The following LMNB1 variants were observed in gnomAD, a reference collection of about 807,000 sequenced individuals.
LMNB1 encodes the protein lamin-B1.
LMNB1 carries 23 observed loss-of-function variants against 67.1 expected under a neutral mutation model. The ratio of observed to expected loss-of-function variants is 0.34; its 90% confidence interval spans 0.25 to 0.49. LMNB1 has a LOEUF of 0.49. Ranked by LOEUF, LMNB1 falls within the 20% of genes least tolerant of loss-of-function variation. LMNB1 has a pLI of 0.99. For missense variants in LMNB1, 634 were observed against 746.5 expected, an observed-to-expected ratio of 0.85 and a Z score of 1.76; for synonymous variants, 281 against 282.9, an observed-to-expected ratio of 0.99 and a Z score of 0.07.
intron 1 of LMNB1, among the ~76,000 whole-genome samples, chr5:126,786,401 G>C (rs954301848): frequency 6.6e-6 from 1 of 152,114 alleles, no homozygotes; most frequent in East Asian, 1.9e-4. Flanking sequence ...GATTACAGGC[G>C]TGAGCCACCG....
intron 8 of LMNB1, among the ~76,000 whole-genome samples, chr5:126,824,819 A>AT (rs1036572016): frequency 3.1e-4 from 47 of 149,740 alleles, no homozygotes; most frequent in East Asian, 9.8e-4. Flanking sequence ...TAATTCATAG[A>AT]TTTTTTTTTT....
rs139536146 is a variant in LMNB1 at position 126,820,946 on chromosome 5, A to C, written c.1197A>C (p.Thr399=). The part of the protein sequence containing the change: ...KLSPSPSSRV[T]VSRASSSRSV... ...CTCCAAGCCCTTCTTCCCGTGTGAC[A>C]GTATCCCGAGCATCCTCAAGTCGTA... The change falls in exon 7 of 11, where the codon ACA becomes ACC. Residue 399 remains threonine (T), a synonymous_variant. Coordinates refer to ENST00000261366, the MANE Select transcript of LMNB1 (RefSeq NM_005573.4). The C allele has an allele frequency of 1.7e-4, 276 of 1,614,058 alleles. 1 individual carries two copies. The African/African-American group carries it at 3.2e-3, about 19-fold the overall frequency.
chr5:126,787,546 A>ATATATAT, intron 1 of LMNB1, among the ~76,000 whole-genome samples: 2 of 65,584 alleles, frequency 3.0e-5, no homozygotes, highest in South Asian at 5.6e-4. Context: ...ATATATATAT[A>ATATATAT]TTTTTTTTTT....
intron 1 of LMNB1, among the ~76,000 whole-genome samples, chr5:126,795,279 A>G (rs1025531788): frequency 6.6e-6 from 1 of 151,908 alleles, no homozygotes; most frequent in Non-Finnish European, 1.5e-5. Context: ...CTGGGACTAC[A>G]GGCACAGGCC....
intron 6 of LMNB1, among the ~76,000 whole-genome samples, chr5:126,820,682 C>G (rs1012808624): frequency 6.6e-6 from 1 of 151,908 alleles, no homozygotes; most frequent in Non-Finnish European, 1.5e-5. Flanking sequence ...CCCACCACCA[C>G]GCCTGGCTAA....
intron 3 of LMNB1, among the ~76,000 whole-genome samples, chr5:126,809,469 C>T (rs1751532361): frequency 6.6e-6 from 1 of 152,088 alleles, no homozygotes; most frequent in African/African-American, 2.4e-5. Context: ...GATGGATCAC[C>T]TGAGGTCAGG....
intron 6 of LMNB1, among the ~76,000 whole-genome samples, chr5:126,820,481 T>C (rs776433740): frequency 8.5e-5 from 13 of 152,222 alleles, no homozygotes; most frequent in Admixed American, 6.5e-5. Flanking sequence ...TAACAGATTG[T>C]AAGTAATATT....
At chr5:126,820,524 C>A (rs540142699) in intron 6 of LMNB1, among the ~76,000 whole-genome samples, 36 of 152,090 alleles carry the variant, frequency 2.4e-4, no homozygotes, top group African/African-American at 4.6e-4. Context: ...GGATATTCTT[C>A]TTCTTATTAT....
In LMNB1 at chr5:126,799,148, A is replaced by G. The variant is rs552948043; in HGVS notation, c.360-5628A>G. ...ATTCTCCTGCCTCAGCCTCCCGAGT[A>G]GCTGGGACTACAGGCGCCCGCCACC... is the stretch of plus-strand genomic sequence containing the variant. On this transcript the variant is annotated intron_variant, in intron 1 of 10. Coordinates refer to ENST00000261366, the MANE Select transcript of LMNB1 (RefSeq NM_005573.4). Among the ~76,000 whole-genome samples, 386 of 151,542 alleles carry G rather than the reference A, an allele frequency of 2.5e-3. 4 individuals carry two copies. The highest frequency in any genetic ancestry group is 9.1e-3 in the African/African-American group (374 of 41,256).
rs1751903359 is a variant in LMNB1 at position 126,822,855 on chromosome 5, A to T, written c.1461A>T (p.Arg487Ser). Residue 487 changes from arginine to serine, a missense_variant, in exon 8 of 11, where the codon AGA becomes AGT. Coordinates refer to ENST00000261366, the MANE Select transcript of LMNB1 (RefSeq NM_005573.4). ...CAGTCAGTTATAAATATACCTCAAG[A>T]TATGTGCTGAAGGCAGGCCAGACTG... Reference protein sequence around the residue: ...DTSVSYKYTSRYVLKAGQTVT... With the variant: ...DTSVSYKYTSSYVLKAGQTVT... 1.2e-6 allele frequency: 2 copies of T among 1,609,736 alleles called. No homozygotes were observed. The highest frequency in any genetic ancestry group is 1.7e-6 in the Non-Finnish European group (2 of 1,176,200).
At position 126,811,830 on chromosome 5, in the gene LMNB1, G is replaced by A. The variant is rs1751584288; in HGVS notation, c.871G>A (p.Glu291Lys). The change falls in exon 5 of 11, where the codon GAA (glutamate) becomes AAA (lysine). Residue 291 changes from glutamate (E) to lysine (K), a missense_variant. Transcript: ENST00000261366. ...MNTSTVNSAR[E>K]ELMESRMRIE... The stretch of plus-strand genomic sequence containing the variant: ...TACTTCTACTGTCAACAGTGCCAGG[G>A]AAGAACTGATGGAAAGCCGCATGAG... 1.9e-6 allele frequency: 3 copies of A among 1,612,754 alleles called. No individual in the cohort carries two copies. Among genetic ancestry groups the A allele is most frequent in the Non-Finnish European group, 2.5e-6 (3 of 1,178,920 alleles).
At chr5:126,809,956 G>C (rs1471405310) in intron 3 of LMNB1, among the ~76,000 whole-genome samples, 2 of 152,192 alleles carry the variant, frequency 1.3e-5, no homozygotes, top group African/African-American at 2.4e-5. Context: ...AAAAGGAATA[G>C]AAAGTTCCTA....
At position 126,810,873 on chromosome 5, in the gene LMNB1, C is replaced by A. The variant is rs114958122; in HGVS notation, c.813+523C>A. 1.3e-3 allele frequency among the ~76,000 whole-genome samples: 196 copies of A among 152,322 alleles called. 2 individuals carry two copies. Among genetic ancestry groups the A allele is most frequent in the African/African-American group, 4.5e-3 (189 of 41,568 alleles). ...TTAAAAAAATATTGTAGAAACTTCC[C>A]ACTTATATTAGCTGACCTTACAAGA... On this transcript the variant is annotated intron_variant, in intron 4 of 10. Coordinates refer to ENST00000261366, the MANE Select transcript of LMNB1 (RefSeq NM_005573.4).
chr5:126,817,217 G>A (rs1486160787), intron 5 of LMNB1, among the ~76,000 whole-genome samples: 1 of 152,120 alleles, frequency 6.6e-6, no homozygotes, highest in Non-Finnish European at 1.5e-5. Context: ...TGTCAGCTTG[G>A]CCACTATGTC....
intron 1 of LMNB1, among the ~76,000 whole-genome samples, chr5:126,784,966 T>G (rs548804485): frequency 1.2e-4 from 17 of 140,954 alleles, no homozygotes; most frequent in African/African-American, 3.7e-4. Flanking sequence ...TCCGCCCGAA[T>G]TTTTAAAAAT....
intron 3 of LMNB1, among the ~76,000 whole-genome samples, chr5:126,806,101 T>C (rs1250062660): frequency 1.3e-5 from 2 of 152,072 alleles, no homozygotes; most frequent in Non-Finnish European, 2.9e-5. Context: ...ACTACAGGCG[T>C]GCGCCACCAC....
chr5:126,786,255 T>TG (rs1750778802), intron 1 of LMNB1, among the ~76,000 whole-genome samples: 1 of 151,242 alleles, frequency 6.6e-6, no homozygotes, highest in African/African-American at 2.4e-5. Flanking sequence ...CCCAAGTAGC[T>TG]GGGACTACAG....
In LMNB1 at chr5:126,836,309, T is replaced by C. The variant is rs1403410277; in HGVS notation, c.*45T>C. The C allele has an allele frequency of 7.7e-7, 1 of 1,292,578 alleles. No individual in the cohort carries two copies. The highest frequency in any genetic ancestry group is 1.1e-6 in the Non-Finnish European group (1 of 890,004). The allele number at this position is 1,292,578 out of a possible 1,614,324, so 80.1% of individuals were successfully genotyped here. ...CAAAATAAAGAAGTATGGTAATCTTTACCTGTATACAGTGCAGAGCCTTCT... is the reference window on the plus strand; with the variant it reads ...CAAAATAAAGAAGTATGGTAATCTTCACCTGTATACAGTGCAGAGCCTTCT... On this transcript the variant is annotated 3_prime_UTR_variant, in exon 11 of 11. Coordinates refer to ENST00000261366, the MANE Select transcript of LMNB1 (RefSeq NM_005573.4).
At chr5:126,817,069 CGTTTGTTTGGTTT>C (rs1231822524) in intron 5 of LMNB1, among the ~76,000 whole-genome samples, 6 of 74,572 alleles carry the variant, frequency 8.0e-5, no homozygotes, top group Admixed American at 4.1e-4. Flanking sequence ...ATCCATTCCC[CGTTTGTTTGGTTT>C]GTTTGTTTGT....
Sources: allele counts gnomAD v4.1 joint callset (sites outside exome capture counted in the v4.1 genomes callset), GRCh38; gene constraint gnomAD v4.1.1; transcripts MANE v1.5; gene names NCBI Gene and HGNC (gene_info 2026-07-23, HGNC 2026-07-21).